ISL2: variants seen among roughly 807,000 people sequenced by gnomAD.
ISL2 encodes the protein insulin gene enhancer protein ISL-2.
A neutral mutation model predicts 34.6 loss-of-function variants in ISL2; 17 were observed. The observed-to-expected ratio is 0.49, with a 90% CI of 0.34 to 0.74. ISL2 has a LOEUF of 0.74. ISL2 is among the 30% of genes least tolerant of loss of function. The pLI, the probability that ISL2 is intolerant of heterozygous loss-of-function variation, is 0.01. For missense variants in ISL2, 469 were observed against 515.2 expected, an observed-to-expected ratio of 0.91 and a Z score of 0.87; for synonymous variants, 232 against 225.5, an observed-to-expected ratio of 1.03 and a Z score of -0.26.
At chr15:76,340,585 C>G in intron 4 of ISL2, 26 bp downstream of exon 4, 8 of 1,588,480 alleles carry the variant, frequency 5.0e-6, no homozygotes, top group East Asian at 2.2e-5. Context: ...GCCGGAGGCT[C>G]GAGTCGGGTG....
chr15:76,340,187 C>G, intron 3 of ISL2, 89 bp from the exon 4 acceptor site: 2 of 1,446,008 alleles, frequency 1.4e-6, no homozygotes, highest in Non-Finnish European at 1.8e-6. Flanking sequence ...CGAAATCGGG[C>G]CCCGGGGGGC....
At chr15:76,339,213 C>A in intron 3 of ISL2, 1 of 985,390 alleles carries the variant, frequency 1.0e-6, no homozygotes, top group Non-Finnish European at 1.2e-6. Flanking sequence ...TAGCCATAGG[C>A]CTGCAGCACA....
intron 5 of ISL2, 74 bp from the exon 6 acceptor site, chr15:76,341,645 C>T (rs528694481): frequency 4.1e-4 from 479 of 1,158,180 alleles, no homozygotes; most frequent in Non-Finnish European, 5.8e-4. Context: ...CTTTCCGACT[C>T]GGAGCACGCG....
intron 3 of ISL2, 49 bp downstream of exon 3, chr15:76,338,563 C>T (rs1208454627): frequency 4.7e-6 from 6 of 1,282,632 alleles, no homozygotes; most frequent in South Asian, 6.1e-5. Flanking sequence ...TATGTGCGTG[C>T]GTGTGTGTAG....
intron 5 of ISL2, 88 bp from the exon 6 acceptor site, chr15:76,341,631 G>A: frequency 1.9e-6 from 2 of 1,034,936 alleles, no homozygotes; most frequent in Non-Finnish European, 3.0e-6. Context: ...GTCCCCAAGG[G>A]ACACTTTCCG....
At position 76,338,367 on chromosome 15, in the gene ISL2, C is replaced by T. The variant is rs1450421288; in HGVS notation, c.364C>T (p.Arg122Cys). The T allele has an allele frequency of 5.8e-6, 9 of 1,554,516 alleles. No individual in the cohort carries two copies. Among genetic ancestry groups the T allele is most frequent in the South Asian group, 1.2e-5 (1 of 85,164 alleles). Reference sequence around the variant, plus strand: ...GTGCTTCCGCTGCTCCGTGTGCAGCCGCCAGCTGCTGCCTGGGGACGAGTT... The same window carrying T: ...GTGCTTCCGCTGCTCCGTGTGCAGCTGCCAGCTGCTGCCTGGGGACGAGTT... ...IECFRCSVCS[R>C]QLLPGDEFSL... is the part of the protein sequence containing the mutation. Residue 122 changes from arginine (R) to cysteine (C), a missense_variant, in exon 3 of 6, where the codon CGC becomes TGC. Arg to Cys is a radical substitution (Grantham distance 180, BLOSUM62 -3). This residue lies in a region of ISL2 where 297 missense variants were observed against 337.8 expected (regional missense o/e 0.88). Transcript: ENST00000290759.
At chr15:76,340,959 C>A (rs2141583963) in intron 4 of ISL2, among the ~76,000 whole-genome samples, 175 bp from the exon 5 acceptor site, 1 of 152,370 alleles carries the variant, frequency 6.6e-6, no homozygotes, top group South Asian at 2.1e-4. Context: ...GGCAAGTTTG[C>A]GGCCCCCGCA....
Position 76,340,449 on chromosome 15 carries a change from G to C in ISL2, c.685G>C (p.Gly229Arg). ...LMKEQLVEMT[G>R]LSPRVIRVWF... ...GAAGGAGCAGCTGGTGGAGATGACC[G>C]GCCTGAGCCCGCGGGTCATCCGCGT... Residue 229 changes from glycine to arginine, a missense_variant, in exon 4 of 6, where the codon GGC becomes CGC. Coordinates refer to ENST00000290759, the MANE Select transcript of ISL2 (RefSeq NM_145805.3). 12 of 1,613,804 alleles carry C rather than the reference G, an allele frequency of 7.4e-6. No individual in the cohort carries two copies. The highest frequency in any genetic ancestry group is 1.0e-5 in the Non-Finnish European group (12 of 1,180,006).
Position 76,341,977 on chromosome 15 carries a change from G to T in ISL2, c.*142G>T. 1.5e-6 allele frequency: 1 copy of T among 651,420 alleles called. No individual in the cohort carries two copies. Among genetic ancestry groups the T allele is most frequent in the South Asian group, 1.8e-5 (1 of 55,314 alleles). The allele number at this position is 651,420 out of a possible 1,614,324, so 40.4% of individuals were successfully genotyped here. ...TTTATGAGAGAGTACCGAGAGACAC[G>T]GTCTGGACAGCCCAAGGCGCCAGGA... is the stretch of plus-strand genomic sequence containing the variant. On this transcript the variant is annotated 3_prime_UTR_variant, in exon 6 of 6. Coordinates refer to ENST00000290759, the MANE Select transcript of ISL2 (RefSeq NM_145805.3).
In ISL2 at chr15:76,342,104, T is replaced by A. The variant is rs2040199165; in HGVS notation, c.*269T>A. On this transcript the variant is annotated 3_prime_UTR_variant, in exon 6 of 6. Transcript: ENST00000290759. ...CCAGGGTTAGCTCTGCCCTCTCCTC[T>A]CCTCTCTACGTGGCCGCCGCTCTGT... The A allele has an allele frequency of 1.3e-5, 4 of 318,782 alleles. No homozygotes were observed. The highest frequency in any genetic ancestry group is 2.3e-5 in the Non-Finnish European group (4 of 172,388). 19.7% of individuals were successfully genotyped at this position (318,782 alleles called of 1,614,324 possible). A position where few individuals can be genotyped will look rare whatever the true frequency, so the allele number is the denominator to read the frequency against.
chr15:76,338,489 C>A lies in ISL2; in HGVS notation c.486C>A (p.Pro162=). 1 of 1,317,010 alleles carries A rather than the reference C, an allele frequency of 7.6e-7. No homozygotes were observed. The highest frequency in any genetic ancestry group is 2.7e-5 in the South Asian group (1 of 36,808). 81.6% of individuals were successfully genotyped at this position (1,317,010 alleles called of 1,614,324 possible). A position where few individuals can be genotyped will look rare whatever the true frequency, so the allele number is the denominator to read the frequency against. The change falls in exon 3 of 6, where the codon CCC becomes CCA. Residue 162 remains proline, a synonymous_variant. Transcript: ENST00000290759. ...GCCCGCGCAGCCCCGGCCCGCTTCC[C>A]GGCGCCCGCGGCCTGCATCTGCCCG... ...AGSPRSPGPL[P]GARGLHLPDA...
chr15:76,338,058 G>A (rs904536125), intron 2 of ISL2, 91 bp downstream of exon 2: 1 of 1,325,920 alleles, frequency 7.5e-7, no homozygotes, highest in African/African-American at 1.6e-5. Context: ...CCCCGGCCCT[G>A]CCCAGGGAGA....
intron 3 of ISL2, chr15:76,339,089 A>T: frequency 1.0e-6 from 1 of 985,386 alleles, no homozygotes; most frequent in Non-Finnish European, 1.2e-6. Flanking sequence ...TCACTGGAAT[A>T]TTCTGGGTCC....
intron 4 of ISL2, 72 bp downstream of exon 4, chr15:76,340,631 T>C: frequency 2.0e-6 from 3 of 1,467,964 alleles, no homozygotes; most frequent in Non-Finnish European, 2.8e-6. Flanking sequence ...TGCGTGCCCT[T>C]TTCTGGGCGA....
At chr15:76,339,899 T>A in intron 3 of ISL2, 1 of 1,061,136 alleles carries the variant, frequency 9.4e-7, no homozygotes. Flanking sequence ...TGGGCAAGCC[T>A]CTTTCCTCTT....
rs1285691910 is a variant in ISL2, at chr15:76,340,258, C to T, written c.512-18C>T. The T allele has an allele frequency of 2.5e-6, 4 of 1,578,496 alleles. No individual in the cohort carries two copies. Among genetic ancestry groups the T allele is most frequent in the Non-Finnish European group, 1.7e-6 (2 of 1,165,468 alleles). On this transcript the variant is annotated intron_variant, in intron 3 of 5. Transcript: ENST00000290759. ...TGGCGGCCCCTCGCTAACCTCTGGC[C>T]TCACCCTGTCCTGGCAGACGCTGGG...
intron 3 of ISL2, 25 bp downstream of exon 3, chr15:76,338,539 G>A: frequency 1.5e-6 from 2 of 1,294,654 alleles, no homozygotes; most frequent in Non-Finnish European, 2.0e-6. Context: ...GCCTGTGCCG[G>A]GGTGAGCGGG....
chr15:76,338,326 G>T lies in ISL2; in HGVS notation c.323G>T (p.Ser108Ile). Reference protein sequence around the residue: ...SSDLVMRARDSVYHIECFRCS... With the variant: ...SSDLVMRARDIVYHIECFRCS... ...GACCTGGTGATGAGGGCGCGGGACA[G>T]CGTGTACCACATCGAGTGCTTCCGC... Residue 108 changes from serine (S) to isoleucine (I), a missense_variant, in exon 3 of 6, where the codon AGC becomes ATC. Coordinates refer to ENST00000290759, the MANE Select transcript of ISL2 (RefSeq NM_145805.3). 1 of 1,579,982 alleles carries T rather than the reference G, an allele frequency of 6.3e-7. No homozygotes were observed. The highest frequency in any genetic ancestry group is 1.7e-5 in the Admixed American group (1 of 58,166).
rs764751983 is a variant in ISL2 at position 76,336,968 on chromosome 15, T to A, written c.58+27T>A. 9.4e-6 allele frequency: 15 copies of A among 1,590,906 alleles called. No individual in the cohort carries two copies. In the South Asian group the frequency reaches 1.5e-4, roughly 16 times the overall value. On this transcript the variant is annotated intron_variant, in intron 1 of 5. Coordinates refer to ENST00000290759, the MANE Select transcript of ISL2 (RefSeq NM_145805.3). ...TAAGTATTTCTGTGTGTGTGTGGGG[T>A]GGGGTGTGTGTGTATGCTTAATATG... is the stretch of plus-strand genomic sequence containing the variant.
Sources: gnomAD v4.1 joint callset for allele counts (sites outside exome capture counted in the v4.1 genomes callset) on GRCh38, gnomAD v4.1.1 for gene constraint, gnomAD v4.1.1 regional missense constraint, MANE v1.5 for transcripts, NCBI Gene and HGNC (gene_info 2026-07-23, HGNC 2026-07-21) for gene names.